Variants in SLAMF9 observed in about 807,000 individuals in gnomAD.
The protein encoded by SLAMF9 is SLAM family member 9.
A neutral mutation model predicts 30.4 loss-of-function variants in SLAMF9; 25 were observed. The observed-to-expected ratio is 0.82, with a 90% CI of 0.60 to 1.15. The LOEUF is 1.15. Ranked by LOEUF, SLAMF9 falls within the 50% of genes most tolerant of loss-of-function variation. The probability of loss-of-function intolerance (pLI) is 0.00; values close to 1 mark genes in which losing one functional copy is unlikely to be tolerated. For missense variants in SLAMF9, 344 were observed against 346.1 expected (o/e 0.99, Z 0.05); for synonymous variants, 129 against 127.2 (o/e 1.01, Z -0.09).
chr1:159,957,019 G>A (rs1204534789), upstream of SLAMF9, among the ~76,000 whole-genome samples: 1 of 151,498 alleles, frequency 6.6e-6, no homozygotes, highest in Non-Finnish European at 1.5e-5. Context: ...CTACTCGGGA[G>A]GCTGAGGCAG....
At chr1:159,967,603 A>C in the SLAMF9 span, among the ~76,000 whole-genome samples, 8 of 152,084 alleles carry the variant, frequency 5.3e-5, no homozygotes, top group African/African-American at 1.9e-4. Flanking sequence ...GTTGTTCCCT[A>C]CGAACTTAAG....
At chr1:159,958,497 A>C (rs1651977636), upstream of SLAMF9, among the ~76,000 whole-genome samples, 1 of 150,636 alleles carries the variant, frequency 6.6e-6, no homozygotes, top group Non-Finnish European at 1.5e-5. Context: ...GTCTTGCTCT[A>C]TCACCCAGGC....
At chr1:159,977,953 AC>A in the SLAMF9 span, among the ~76,000 whole-genome samples, 1 of 151,984 alleles carries the variant, frequency 6.6e-6, no homozygotes, top group Non-Finnish European at 1.5e-5. Context: ...GATAATAAGG[AC>A]CTCCTGACAG....
chr1:159,973,111 C>T, the SLAMF9 span: 9 of 1,529,090 alleles, frequency 5.9e-6, no homozygotes, highest in African/African-American at 1.1e-4. Context: ...ATGCAGAGTT[C>T]TGGGTGGGGG....
chr1:159,967,993 G>C, the SLAMF9 span, among the ~76,000 whole-genome samples: 16 of 152,094 alleles, frequency 1.1e-4, no homozygotes, highest in South Asian at 2.1e-4. Context: ...CAGTTCTAAG[G>C]GTTTTTGATT....
chr1:159,957,368 A>G (rs1161969564), upstream of SLAMF9, among the ~76,000 whole-genome samples: 8 of 151,278 alleles, frequency 5.3e-5, no homozygotes, highest in Admixed American at 4.6e-4. Context: ...GCTCACACCT[A>G]TAATCCCAGC....
the SLAMF9 span, among the ~76,000 whole-genome samples, chr1:159,982,475 C>G: frequency 6.6e-6 from 1 of 152,172 alleles, no homozygotes; most frequent in African/African-American, 2.4e-5. Context: ...CTATTAAGAT[C>G]CATGCAAATG....
At chr1:159,968,248 A>G in the SLAMF9 span, among the ~76,000 whole-genome samples, 3 of 152,098 alleles carry the variant, frequency 2.0e-5, no homozygotes, top group African/African-American at 7.2e-5. Flanking sequence ...TTGTATATGG[A>G]TTTTACTGTG....
the SLAMF9 span, among the ~76,000 whole-genome samples, chr1:159,967,460 A>T: frequency 7.9e-5 from 12 of 152,188 alleles, 1 homozygote; most frequent in South Asian, 2.1e-3. Flanking sequence ...TTTCTGTTCC[A>T]TTGGTTGATG....
At chr1:159,960,062 C>T in the SLAMF9 span, among the ~76,000 whole-genome samples, 4 of 151,680 alleles carry the variant, frequency 2.6e-5, no homozygotes, top group African/African-American at 4.8e-5. Context: ...ATGTGCACAA[C>T]GTGCAGGTTT....
At chr1:159,977,050 A>G in the SLAMF9 span, 1 of 152,238 alleles carries the variant, frequency 6.6e-6, no homozygotes, top group African/African-American at 2.4e-5. Context: ...AGAGTAGGTG[A>G]AAAGATGAAC....
the SLAMF9 span, among the ~76,000 whole-genome samples, chr1:159,974,879 C>T: frequency 6.6e-6 from 1 of 152,176 alleles, no homozygotes; most frequent in African/African-American, 2.4e-5. Context: ...GCAAGAAGAA[C>T]ACAGGTGTAA....
upstream of SLAMF9, among the ~76,000 whole-genome samples, chr1:159,954,826 C>T (rs191083732): frequency 5.6e-4 from 86 of 152,274 alleles, no homozygotes; most frequent in African/African-American, 2.0e-3. Context: ...CATCTGGAAT[C>T]CCAGCACTTT....
chr1:159,968,290 G>A, the SLAMF9 span, among the ~76,000 whole-genome samples: 1 of 152,216 alleles, frequency 6.6e-6, no homozygotes, highest in East Asian at 1.9e-4. Flanking sequence ...TTACTCTTTT[G>A]AGAACTGTTC....
chr1:159,954,016 C>T, intron 1 of SLAMF9, 76 bp downstream of exon 1: 1 of 1,566,620 alleles, frequency 6.4e-7, no homozygotes, highest in Non-Finnish European at 8.8e-7. Flanking sequence ...AAGGGTCTTA[C>T]TGGCCCAGAC....
At chr1:159,976,951 AGAAAGAAAGAGAAAGAAAGAAG>A in the SLAMF9 span, 14 of 5,834 alleles carry the variant, frequency 2.4e-3, no homozygotes, top group African/African-American at 2.2e-3. Flanking sequence ...AAAGAAAGAA[AGAAAGAAAGAGAAAGAAAGAAG>A]GAAAGAAGGA....
chr1:159,968,586 G>T, the SLAMF9 span, among the ~76,000 whole-genome samples: 73 of 152,218 alleles, frequency 4.8e-4, no homozygotes, highest in African/African-American at 1.7e-3. Flanking sequence ...GGGGAGAGAG[G>T]GACTGTCTGG....
chr1:159,951,903 G>T (rs760571434), intron 3 of SLAMF9, 37 bp from the exon 4 acceptor site: 4 of 1,590,750 alleles, frequency 2.5e-6, no homozygotes, highest in Non-Finnish European at 2.6e-6. Flanking sequence ...CCCATCAGTG[G>T]TAGGGTTGGG....
chr1:159,960,180 A>G, the SLAMF9 span, among the ~76,000 whole-genome samples: 1 of 72,862 alleles, frequency 1.4e-5, no homozygotes, highest in Non-Finnish European at 2.6e-5. Flanking sequence ...CCCACCCCAC[A>G]ACAGTCCCCG....
Sources: gnomAD v4.1 joint callset for allele counts (sites outside exome capture counted in the v4.1 genomes callset) on GRCh38, gnomAD v4.1.1 for gene constraint, MANE v1.5 for transcripts, NCBI Gene and HGNC (gene_info 2026-07-23, HGNC 2026-07-21) for gene names.